KLF7: variants seen among roughly 807,000 people sequenced by gnomAD.
KLF7 encodes Krueppel-like factor 7.
Under a neutral mutation model 27.3 loss-of-function variants are expected in KLF7, and 2 were observed. The observed-to-expected ratio is 0.07, with a 90% CI of 0.03 to 0.23. The LOEUF is 0.23. KLF7 is among the 10% of genes least tolerant of loss of function. The pLI is 1.00. For missense variants in KLF7, 221 were observed against 394.1 expected, an observed-to-expected ratio of 0.56 and a Z score of 3.72; for synonymous variants, 165 against 162.4, an observed-to-expected ratio of 1.02 and a Z score of -0.12.
At chr2:207,147,500 T>G (rs1574563134) in intron 1 of KLF7, among the ~76,000 whole-genome samples, 1 of 152,204 alleles carries the variant, frequency 6.6e-6, no homozygotes, top group South Asian at 2.1e-4. Context: ...ACACTTTTAT[T>G]CCTTCTTTTT....
At chr2:207,137,902 A>G (rs2077833120) in intron 1 of KLF7, among the ~76,000 whole-genome samples, 1 of 152,176 alleles carries the variant, frequency 6.6e-6, no homozygotes, top group Admixed American at 6.5e-5. Context: ...GAAAAGTAAA[A>G]TTGTGCTTTG....
At chr2:207,106,133 A>AT (rs2076878083) in intron 2 of KLF7, among the ~76,000 whole-genome samples, 1 of 152,218 alleles carries the variant, frequency 6.6e-6, no homozygotes, top group Admixed American at 6.5e-5. Flanking sequence ...CTCACATTAC[A>AT]TTTCTATTGG....
chr2:207,169,950 A>G (rs887578978), upstream of KLF7, among the ~76,000 whole-genome samples: 2 of 152,160 alleles, frequency 1.3e-5, no homozygotes, highest in African/African-American at 4.8e-5. Flanking sequence ...AGGCCAGTTA[A>G]TATCCCCACT....
At chr2:207,116,975 G>T (rs748038523) in intron 2 of KLF7, among the ~76,000 whole-genome samples, 1 of 151,992 alleles carries the variant, frequency 6.6e-6, no homozygotes, top group African/African-American at 2.4e-5. Context: ...CGAGGTCCTC[G>T]GCAATAAAGA....
At chr2:207,082,029 G>A (rs2076285168) in intron 3 of KLF7, among the ~76,000 whole-genome samples, 2 of 152,226 alleles carry the variant, frequency 1.3e-5, no homozygotes, top group South Asian at 4.2e-4. Flanking sequence ...GGGGGGTGAA[G>A]GAAACTGAGG....
At position 207,130,189 on chromosome 2, in the gene KLF7, C is replaced by T. The variant is rs181596243; in HGVS notation, c.103-5785G>A. ...CCTTACTTTCCCATGCCCATATGCT[C>T]GAAACAATCTTCCTTTCGCCTTCCC... On this transcript the variant is annotated intron_variant, in intron 1 of 3. Coordinates refer to ENST00000309446, the MANE Select transcript of KLF7 (RefSeq NM_003709.4). Among the ~76,000 whole-genome samples the T allele has an allele frequency of 1.4e-4, 22 of 152,278 alleles. No homozygotes were observed. In the East Asian group the frequency reaches 3.1e-3, roughly 21 times the overall value.
Position 207,165,715 on chromosome 2 carries a change from GAAAA to G in KLF7, c.-151_-148del. ...TGTTTTGTTTCAGTCAACTAAAAAG[GAAAA>G]AAAAAAATCAATGCAGGAGAGGGAG... On this transcript the variant is annotated 5_prime_UTR_variant, in exon 1 of 4. It removes the in-frame stop codon of an upstream open reading frame in the 5' UTR. Transcript: ENST00000309446. 1 of 1,169,800 alleles carries G rather than the reference GAAAA, an allele frequency of 8.5e-7. No individual in the cohort carries two copies. Among genetic ancestry groups the G allele is most frequent in the Non-Finnish European group, 1.1e-6 (1 of 892,764 alleles). 72.5% of individuals were successfully genotyped at this position (1,169,800 alleles called of 1,614,324 possible). A position where few individuals can be genotyped will look rare whatever the true frequency, so the allele number is the denominator to read the frequency against.
At chr2:207,115,364 T>C (rs1450431028) in intron 2 of KLF7, among the ~76,000 whole-genome samples, 1 of 152,024 alleles carries the variant, frequency 6.6e-6, no homozygotes, top group Non-Finnish European at 1.5e-5. Context: ...GAAGGTAGGG[T>C]GAACAGAAAT....
intron 1 of KLF7, among the ~76,000 whole-genome samples, chr2:207,157,257 A>G (rs1233718729): frequency 6.6e-6 from 1 of 151,720 alleles, no homozygotes; most frequent in Non-Finnish European, 1.5e-5. Flanking sequence ...GCTTTATTAT[A>G]ACTCAAAACT....
At chr2:207,123,009 A>G (rs2077381070) in intron 2 of KLF7, among the ~76,000 whole-genome samples, 1 of 146,946 alleles carries the variant, frequency 6.8e-6, no homozygotes, top group South Asian at 2.1e-4. Context: ...TTCTGTGTAA[A>G]CCCCACTTTT....
chr2:207,096,486 T>C (rs769859334), intron 2 of KLF7, among the ~76,000 whole-genome samples: 5 of 152,134 alleles, frequency 3.3e-5, no homozygotes, highest in Non-Finnish European at 5.9e-5. Context: ...TCTGAAGAAA[T>C]GACATTTAAG....
intron 2 of KLF7, among the ~76,000 whole-genome samples, chr2:207,103,308 G>A (rs1397819403): frequency 6.6e-6 from 1 of 152,142 alleles, no homozygotes; most frequent in Non-Finnish European, 1.5e-5. Flanking sequence ...TTCCTGGAAA[G>A]CAGGCCTGGT....
intron 1 of KLF7, among the ~76,000 whole-genome samples, chr2:207,165,185 G>T (rs1401338310): frequency 6.6e-6 from 1 of 152,064 alleles, no homozygotes; most frequent in Non-Finnish European, 1.5e-5. Context: ...CTCTGATAGG[G>T]GACAGCAAAC....
At chr2:207,111,907 C>A (rs1308097909) in intron 2 of KLF7, among the ~76,000 whole-genome samples, 2 of 152,102 alleles carry the variant, frequency 1.3e-5, no homozygotes, top group Non-Finnish European at 2.9e-5. Context: ...CACATCCAAT[C>A]AACCGGTGAA....
At chr2:207,135,160 T>G (rs769687175) in intron 1 of KLF7, among the ~76,000 whole-genome samples, 1 of 152,158 alleles carries the variant, frequency 6.6e-6, no homozygotes, top group Non-Finnish European at 1.5e-5. Flanking sequence ...TGGGCTCAGT[T>G]TTCTCATCTA....
At chr2:207,127,978 C>T (rs2077527024) in intron 1 of KLF7, among the ~76,000 whole-genome samples, 1 of 152,082 alleles carries the variant, frequency 6.6e-6, no homozygotes, top group African/African-American at 2.4e-5. Context: ...CATATATTTC[C>T]TAACTCCATC....
chr2:207,146,100 G>C (rs1464224595), intron 1 of KLF7, among the ~76,000 whole-genome samples: 2 of 152,208 alleles, frequency 1.3e-5, no homozygotes, highest in Admixed American at 1.3e-4. Context: ...AGGACTACAA[G>C]TAAATAACAT....
chr2:207,123,784 C>T lies in KLF7; in HGVS notation c.723G>A (p.Arg241=), dbSNP rs1360394786. 3 of 1,612,688 alleles carry T rather than the reference C, an allele frequency of 1.9e-6. No homozygotes were observed. Among genetic ancestry groups the T allele is most frequent in the Non-Finnish European group, 2.5e-6 (3 of 1,179,328 alleles). Residue 241 remains arginine, a synonymous_variant, in exon 2 of 4, where the codon AGG becomes AGA. Transcript: ENST00000309446. ...AACTTGTACCACTACCTGTGTGAGT[C>T]CTCTGGTGGGCCTTTAAGTGGGAGC... is the stretch of plus-strand genomic sequence containing the variant. ...TKSSHLKAHQ[R]THTGEKPYKC...
chr2:207,125,932 G>A lies in KLF7; in HGVS notation c.103-1528C>T, dbSNP rs192825276. 5.4e-4 allele frequency among the ~76,000 whole-genome samples: 82 copies of A among 152,284 alleles called. 1 individual carries two copies. The highest frequency in any genetic ancestry group is 9.4e-4 in the Non-Finnish European group (64 of 68,008). The stretch of plus-strand genomic sequence containing the variant: ...CATAGAAATGTGATACCAAAAAATA[G>A]TATAAAATGTGTTGATAAGTTCTTA... On this transcript the variant is annotated intron_variant, in intron 1 of 3. Coordinates refer to ENST00000309446, the MANE Select transcript of KLF7 (RefSeq NM_003709.4).
Sources: allele counts gnomAD v4.1 joint callset (sites outside exome capture counted in the v4.1 genomes callset), GRCh38; gene constraint gnomAD v4.1.1; transcripts MANE v1.5; gene names NCBI Gene and HGNC (gene_info 2026-07-23, HGNC 2026-07-21).